Variants in ABHD17B observed in about 807,000 individuals in gnomAD.
The protein encoded by ABHD17B is abhydrolase domain containing 17B, depalmitoylase.
ABHD17B carries 9 observed loss-of-function variants against 26.2 expected under a neutral mutation model. The ratio of observed to expected loss-of-function variants is 0.34; its 90% CI spans 0.21 to 0.60. The LOEUF is 0.60. Among genes scored for constraint, ABHD17B ranks in the 20% least tolerant of loss-of-function variants. The pLI, the probability that ABHD17B is intolerant of heterozygous loss-of-function variation, is 0.80. For missense variants in ABHD17B, 224 were observed against 352.1 expected, an observed-to-expected ratio of 0.64 and a Z score of 2.91; for synonymous variants, 127 against 122.3, an observed-to-expected ratio of 1.04 and a Z score of -0.25.
intron 1 of ABHD17B, among the ~76,000 whole-genome samples, chr9:71,896,962 A>G (rs1232637999): frequency 2.6e-5 from 4 of 152,234 alleles, no homozygotes; most frequent in African/African-American, 9.6e-5. Flanking sequence ...ATAAGGGTTA[A>G]GATGTTCAGT....
intron 1 of ABHD17B, among the ~76,000 whole-genome samples, chr9:71,883,952 G>A (rs1204769506): frequency 2.0e-5 from 3 of 151,692 alleles, no homozygotes; most frequent in Admixed American, 6.6e-5. Context: ...AAAAAAGAAA[G>A]AGAAAAGATA....
chr9:71,864,147 C>CTAGG (rs572601196), downstream of ABHD17B, among the ~76,000 whole-genome samples: 24 of 149,916 alleles, frequency 1.6e-4, no homozygotes, highest in Non-Finnish European at 3.3e-4. Context: ...AGGATAAAGA[C>CTAGG]TAGGGTTCAC....
chr9:71,888,418 T>C (rs1826675408), intron 1 of ABHD17B, among the ~76,000 whole-genome samples: 1 of 152,226 alleles, frequency 6.6e-6, no homozygotes, highest in South Asian at 2.1e-4. Context: ...CATATTACAT[T>C]GTTCCAGAAA....
At chr9:71,909,002 C>T (rs759661638) in intron 1 of ABHD17B, among the ~76,000 whole-genome samples, 15 of 152,184 alleles carry the variant, frequency 9.9e-5, no homozygotes, top group Non-Finnish European at 2.1e-4. Context: ...CATTAAGCTA[C>T]TAAAAACATT....
At chr9:71,899,730 C>T (rs996235217) in intron 1 of ABHD17B, among the ~76,000 whole-genome samples, 2 of 152,100 alleles carry the variant, frequency 1.3e-5, no homozygotes, top group Non-Finnish European at 2.9e-5. Flanking sequence ...AGACATAGAG[C>T]TTCTCTGGCA....
intron 1 of ABHD17B, among the ~76,000 whole-genome samples, chr9:71,909,174 C>T (rs998816393): frequency 2.0e-5 from 3 of 152,156 alleles, no homozygotes; most frequent in African/African-American, 7.2e-5. Flanking sequence ...ATTAAAACTG[C>T]CTAGCCTGCT....
At chr9:71,874,406 A>G (rs1388024047) in intron 2 of ABHD17B, among the ~76,000 whole-genome samples, 1 of 152,200 alleles carries the variant, frequency 6.6e-6, no homozygotes, top group African/African-American at 2.4e-5. Flanking sequence ...TAGACAAACA[A>G]ACCTGAAACT....
At chr9:71,887,687 A>G (rs1404196) in intron 1 of ABHD17B, among the ~76,000 whole-genome samples, 151,512 of 152,330 alleles carry the variant, frequency 0.99, 75,359 homozygotes, top group Middle Eastern at 1. Context: ...CAGAACAAAC[A>G]GTTCCATGCT....
intron 1 of ABHD17B, among the ~76,000 whole-genome samples, chr9:71,889,087 C>T (rs571967870): frequency 1.5e-4 from 22 of 151,156 alleles, no homozygotes; most frequent in East Asian, 3.9e-4. Flanking sequence ...GAGGCTGAGG[C>T]GGGCGGATCA....
At chr9:71,868,018 T>TA (rs1235124889) in intron 3 of ABHD17B, among the ~76,000 whole-genome samples, 10 of 138,188 alleles carry the variant, frequency 7.2e-5, no homozygotes, top group African/African-American at 2.8e-4. Flanking sequence ...ACCAGCCTGA[T>TA]CAACATGGTG....
At chr9:71,882,382 G>C (rs912934885) in intron 1 of ABHD17B, among the ~76,000 whole-genome samples, 2 of 152,248 alleles carry the variant, frequency 1.3e-5, no homozygotes, top group African/African-American at 4.8e-5. Flanking sequence ...TAGGCTGGGC[G>C]CAGCAGAGGC....
chr9:71,890,455 G>A (rs1340329329), intron 1 of ABHD17B, among the ~76,000 whole-genome samples: 1 of 152,174 alleles, frequency 6.6e-6, no homozygotes, highest in Non-Finnish European at 1.5e-5. Context: ...GCTCCCCCAT[G>A]TAATCATATA....
chr9:71,899,444 G>A (rs1316447872), intron 1 of ABHD17B, among the ~76,000 whole-genome samples: 2 of 152,192 alleles, frequency 1.3e-5, no homozygotes, highest in Non-Finnish European at 2.9e-5. Context: ...AAGAAAGCAG[G>A]CATTTAAGAT....
chr9:71,910,358 CCT>C (rs1013736616), intron 1 of ABHD17B, among the ~76,000 whole-genome samples: 109 of 152,320 alleles, frequency 7.2e-4, no homozygotes, highest in African/African-American at 2.3e-3. Context: ...TCCCCCACCC[CCT>C]GACTCCGGCC....
At chr9:71,887,104 A>G (rs1826634227) in intron 1 of ABHD17B, among the ~76,000 whole-genome samples, 1 of 152,092 alleles carries the variant, frequency 6.6e-6, no homozygotes, top group African/African-American at 2.4e-5. Context: ...TGAGTTTAGA[A>G]AAATTTAGAG....
intron 1 of ABHD17B, among the ~76,000 whole-genome samples, chr9:71,890,287 C>A (rs1231323525): frequency 6.6e-6 from 1 of 151,922 alleles, no homozygotes; most frequent in African/African-American, 2.4e-5. Context: ...TGGACTCTGT[C>A]ACACAGACAC....
At chr9:71,899,464 G>T (rs1010228603) in intron 1 of ABHD17B, among the ~76,000 whole-genome samples, 1 of 152,152 alleles carries the variant, frequency 6.6e-6, no homozygotes, top group African/African-American at 2.4e-5. Context: ...TGGGTGGTTT[G>T]CTCACCCTTA....
chr9:71,885,199 A>G (rs1279449581), intron 1 of ABHD17B, among the ~76,000 whole-genome samples: 1 of 151,984 alleles, frequency 6.6e-6, no homozygotes, highest in East Asian at 1.9e-4. Flanking sequence ...AATCCCAGCA[A>G]TTTGGGAGGC....
At chr9:71,870,609 G>A (rs143213954) in intron 2 of ABHD17B, among the ~76,000 whole-genome samples, 49 of 152,252 alleles carry the variant, frequency 3.2e-4, no homozygotes, top group African/African-American at 8.7e-4. Context: ...TTAATGAACT[G>A]ATGTTGAATG....
Sources: allele counts gnomAD v4.1 joint callset (sites outside exome capture counted in the v4.1 genomes callset), GRCh38; gene constraint gnomAD v4.1.1; transcripts MANE v1.5; gene names NCBI Gene and HGNC (gene_info 2026-07-23, HGNC 2026-07-21).